ANKRD55: variants seen among roughly 807,000 people sequenced by gnomAD.
ANKRD55 encodes ankyrin repeat domain 55.
Under a neutral mutation model 60.6 loss-of-function variants are expected in ANKRD55, and 41 were observed. That is an observed-to-expected ratio of 0.68 (90% CI 0.53 to 0.88). ANKRD55 has a LOEUF of 0.88. Ranked by LOEUF, ANKRD55 falls within the 40% of genes least tolerant of loss-of-function variation. The probability of loss-of-function intolerance (pLI) is 0.00; values close to 1 mark genes in which losing one functional copy is unlikely to be tolerated. For synonymous variants in ANKRD55, 264 were observed against 290.3 expected, an observed-to-expected ratio of 0.91 and a Z score of 0.92; for missense variants, 732 against 767.6, an observed-to-expected ratio of 0.95 and a Z score of 0.55.
intron 7 of ANKRD55, among the ~76,000 whole-genome samples, chr5:56,135,185 G>A (rs945366242): frequency 4.6e-5 from 7 of 151,352 alleles, no homozygotes; most frequent in African/African-American, 1.5e-4. Flanking sequence ...ACTAAGATCA[G>A]GAAGAAGGTA....
intron 6 of ANKRD55, among the ~76,000 whole-genome samples, chr5:56,150,136 G>A (rs1327375469): frequency 6.6e-6 from 1 of 151,916 alleles, no homozygotes; most frequent in Admixed American, 6.6e-5. Flanking sequence ...CACTGCGCCC[G>A]GCCTATTTTC....
At chr5:56,232,828 C>T (rs774151649) in intron 2 of ANKRD55, 28 bp downstream of exon 2, 42 of 1,609,864 alleles carry the variant, frequency 2.6e-5, no homozygotes, top group Admixed American at 5.0e-5. Flanking sequence ...TGCTAACAAC[C>T]AAAGAATGTG....
intron 2 of ANKRD55, among the ~76,000 whole-genome samples, chr5:56,201,165 C>T (rs148481129): frequency 3.3e-5 from 5 of 152,282 alleles, no homozygotes; most frequent in African/African-American, 7.2e-5. Context: ...TCTCCCCCTG[C>T]GGGATTATCC....
Position 56,154,200 on chromosome 5 carries a change from C to CAAAA in ANKRD55, c.483+5629_483+5632dup, listed in dbSNP as rs367809782. On this transcript the variant is annotated intron_variant, in intron 6 of 11. Coordinates refer to ENST00000341048, the MANE Select transcript of ANKRD55 (RefSeq NM_024669.3). ...TGGGCAACAGAGTAAGACTCTGTCT[C>CAAAA]AAAAAAAAAAAAAAAAAAAAAAAAA... 9.6e-4 allele frequency among the ~76,000 whole-genome samples: 62 copies of CAAAA among 64,268 alleles called. 3 individuals are homozygous for CAAAA. Among genetic ancestry groups the CAAAA allele is most frequent in the African/African-American group, 3.6e-3 (57 of 15,754 alleles). 42.2% of individuals were successfully genotyped at this position (64,268 alleles called of 152,430 possible). A position where few individuals can be genotyped will look rare whatever the true frequency, so the allele number is the denominator to read the frequency against.
chr5:56,200,502 C>A (rs773833025), intron 2 of ANKRD55, among the ~76,000 whole-genome samples: 3 of 152,058 alleles, frequency 2.0e-5, no homozygotes, highest in Non-Finnish European at 4.4e-5. Context: ...ATGTCAGACA[C>A]GTAATAGGCT....
At chr5:56,157,414 T>A (rs1046231310) in intron 6 of ANKRD55, among the ~76,000 whole-genome samples, 2 of 151,910 alleles carry the variant, frequency 1.3e-5, no homozygotes, top group African/African-American at 4.8e-5. Flanking sequence ...GCCCGACACA[T>A]GTAAAGGGTC....
intron 2 of ANKRD55, among the ~76,000 whole-genome samples, chr5:56,211,927 G>A (rs1481821527): frequency 6.6e-6 from 1 of 152,116 alleles, no homozygotes; most frequent in Non-Finnish European, 1.5e-5. Flanking sequence ...GGTTGAACAA[G>A]TTCTTTTAAA....
At chr5:56,195,874 A>G (rs1432249916) in intron 2 of ANKRD55, among the ~76,000 whole-genome samples, 1 of 152,212 alleles carries the variant, frequency 6.6e-6, no homozygotes, top group African/African-American at 2.4e-5. Context: ...AACATGCACC[A>G]ATTTTTACCT....
chr5:56,118,493 C>T (rs866107289), intron 8 of ANKRD55, among the ~76,000 whole-genome samples: 5 of 151,700 alleles, frequency 3.3e-5, no homozygotes, highest in African/African-American at 7.3e-5. Context: ...GGCATGCTGG[C>T]GGGCCCTGTA....
chr5:56,189,353 A>G (rs150887), intron 2 of ANKRD55, among the ~76,000 whole-genome samples: 114,880 of 150,882 alleles, frequency 0.76, 44,531 homozygotes, highest in African/African-American at 0.91. Context: ...CATAAAATTT[A>G]AAATTTTAAC....
chr5:56,163,867 A>C (rs958180912), intron 5 of ANKRD55, among the ~76,000 whole-genome samples: 1 of 152,172 alleles, frequency 6.6e-6, no homozygotes, highest in African/African-American at 2.4e-5. Context: ...CAAGGTGGGC[A>C]GATCACCTGA....
chr5:56,132,159 T>C (rs1436367333), intron 7 of ANKRD55, among the ~76,000 whole-genome samples: 1 of 152,018 alleles, frequency 6.6e-6, no homozygotes, highest in Non-Finnish European at 1.5e-5. Context: ...GGTATAGTGT[T>C]ATTTTGAAGT....
intron 7 of ANKRD55, among the ~76,000 whole-genome samples, chr5:56,128,260 C>A (rs1008889978): frequency 2.0e-5 from 3 of 152,180 alleles, no homozygotes; most frequent in Non-Finnish European, 2.9e-5. Flanking sequence ...GGCCAAAACA[C>A]CCTGTTCATA....
chr5:56,124,669 G>A (rs1029960542), intron 8 of ANKRD55, among the ~76,000 whole-genome samples: 6 of 151,930 alleles, frequency 3.9e-5, no homozygotes, highest in African/African-American at 1.2e-4. Flanking sequence ...CACCACGCCC[G>A]GCTAATTTTT....
At chr5:56,217,851 G>T (rs1272673739) in intron 2 of ANKRD55, among the ~76,000 whole-genome samples, 2 of 151,000 alleles carry the variant, frequency 1.3e-5, no homozygotes, top group Non-Finnish European at 2.9e-5. Flanking sequence ...AGCCGAGATT[G>T]TGCCACTGCA....
At chr5:56,111,869 T>C in intron 9 of ANKRD55, 87 bp from the exon 10 acceptor site, 1 of 1,274,220 alleles carries the variant, frequency 7.8e-7, no homozygotes, top group Non-Finnish European at 1.0e-6. Context: ...CTATTCCACA[T>C]GCTTCATCAG....
chr5:56,227,742 C>T (rs160491), intron 2 of ANKRD55, among the ~76,000 whole-genome samples: 60,186 of 151,598 alleles, frequency 0.4, 13,127 homozygotes, highest in East Asian at 0.84. Flanking sequence ...TACTTTGTGA[C>T]AACATTGGGT....
At chr5:56,139,797 G>C (rs368426794) in intron 7 of ANKRD55, among the ~76,000 whole-genome samples, 1 of 152,338 alleles carries the variant, frequency 6.6e-6, no homozygotes, top group East Asian at 1.9e-4. Flanking sequence ...GGAAGGCCAA[G>C]TGTGGTGGCT....
At chr5:56,201,087 A>G (rs1759355831) in intron 2 of ANKRD55, among the ~76,000 whole-genome samples, 1 of 152,188 alleles carries the variant, frequency 6.6e-6, no homozygotes, top group African/African-American at 2.4e-5. Flanking sequence ...GACATACTGG[A>G]GATATTATGG....
Sources: allele counts gnomAD v4.1 joint callset (sites outside exome capture counted in the v4.1 genomes callset), GRCh38; gene constraint gnomAD v4.1.1; transcripts MANE v1.5; gene names NCBI Gene and HGNC (gene_info 2026-07-23, HGNC 2026-07-21).